The following NRXN3 variants were observed in gnomAD, a reference collection of about 807,000 sequenced individuals.
NRXN3 encodes neurexin 3, also known as neurexin III.
NRXN3 carries 32 observed loss-of-function variants against 137.6 expected under a neutral mutation model. The observed-to-expected ratio is 0.23, with a 90% CI of 0.18 to 0.31. The LOEUF is 0.31. Ranked by LOEUF, NRXN3 falls within the 10% of genes least tolerant of loss-of-function variation. The pLI is 1.00. For missense variants in NRXN3, 1,574 were observed against 2,062.5 expected, an observed-to-expected ratio of 0.76 and a Z score of 4.59; for synonymous variants, 798 against 784.5, an observed-to-expected ratio of 1.02 and a Z score of -0.29.
intron 15 of NRXN3, among the ~76,000 whole-genome samples, chr14:78,990,952 T>G (rs1488512854): frequency 6.6e-6 from 1 of 152,208 alleles, no homozygotes; most frequent in Admixed American, 6.5e-5. Flanking sequence ...TATAATTGGC[T>G]ATTTCATCTC....
chr14:78,825,514 G>A (rs576448943), intron 10 of NRXN3, among the ~76,000 whole-genome samples: 93 of 152,332 alleles, frequency 6.1e-4, no homozygotes, highest in African/African-American at 2.2e-3. Flanking sequence ...CAGAAGCATA[G>A]CTCCCAACCA....
chr14:79,771,010 A>G lies in NRXN3; in HGVS notation c.4015-34102A>G, dbSNP rs553311577. Among the ~76,000 whole-genome samples, 1,269 of 152,338 alleles carry G rather than the reference A, an allele frequency of 8.3e-3. 6 individuals carry two copies. The highest frequency in any genetic ancestry group is 0.011 in the Non-Finnish European group (768 of 68,034). ...TACTACAAACACCTCTACTCAAATA[A>G]ACTAGAAAATCTAGAAGAAATGGAT... On this transcript the variant is annotated intron_variant, in intron 19 of 20. Coordinates refer to ENST00000335750, the MANE Select transcript of NRXN3 (RefSeq NM_001330195.2).
At chr14:79,029,902 A>G (rs574154306) in intron 15 of NRXN3, among the ~76,000 whole-genome samples, 413 of 151,932 alleles carry the variant, frequency 2.7e-3, no homozygotes, top group Non-Finnish European at 4.5e-3. Flanking sequence ...GCCTGAGTGC[A>G]TTGGCATGAT....
chr14:79,151,342 A>G (rs1325255843), intron 15 of NRXN3, among the ~76,000 whole-genome samples: 1 of 152,046 alleles, frequency 6.6e-6, no homozygotes, highest in East Asian at 1.9e-4. Flanking sequence ...ATTCCCTGCA[A>G]AGAACATTCT....
At chr14:78,507,404 G>A (rs2153785573) in intron 4 of NRXN3, among the ~76,000 whole-genome samples, 1 of 152,306 alleles carries the variant, frequency 6.6e-6, no homozygotes, top group Non-Finnish European at 1.5e-5. Flanking sequence ...GTCCCACTCA[G>A]GGTTATTCCA....
intron 1 of NRXN3, among the ~76,000 whole-genome samples, chr14:78,225,955 GTGTGTGTGTGTGTGTGTTGGT>G (rs2064516449): frequency 1.5e-5 from 2 of 130,798 alleles, no homozygotes; most frequent in African/African-American, 3.2e-5. Flanking sequence ...TTTTTTTGGT[GTGTGTGTGTGTGTGTGTTGGT>G]GTGTGTGTGT....
chr14:79,548,220 G>A lies in NRXN3; in HGVS notation c.3444+80818G>A, dbSNP rs539392839. On this transcript the variant is annotated intron_variant, in intron 16 of 20. Transcript: ENST00000335750. ...ACCCACCTGACAGGTCTCAGTGTGT[G>A]ATGTTCCCCTCCTTGTGTCCACGTA... 2.6e-5 allele frequency among the ~76,000 whole-genome samples: 4 copies of A among 152,154 alleles called. No individual in the cohort carries two copies. In the East Asian group the frequency reaches 5.8e-4, roughly 22 times the overall value.
intron 15 of NRXN3, among the ~76,000 whole-genome samples, chr14:79,036,137 T>C (rs1020777769): frequency 2.6e-5 from 4 of 152,024 alleles, no homozygotes; most frequent in Non-Finnish European, 5.9e-5. Context: ...CATTAGGCCA[T>C]GTAAGAGAAA....
intron 8 of NRXN3, among the ~76,000 whole-genome samples, chr14:78,727,550 C>G (rs1243482817): frequency 1.3e-5 from 2 of 152,120 alleles, no homozygotes. Flanking sequence ...CAAGACCAGC[C>G]TGACCAACAT....
rs190945210 is a variant in NRXN3 at position 79,762,249 on chromosome 14, G to A, written c.4015-42863G>A. 2.7e-4 allele frequency among the ~76,000 whole-genome samples: 41 copies of A among 151,778 alleles called. 1 individual carries two copies. The highest frequency in any genetic ancestry group is 3.4e-3 in the Middle Eastern group (1 of 294). On this transcript the variant is annotated intron_variant, in intron 19 of 20. Coordinates refer to ENST00000335750, the MANE Select transcript of NRXN3 (RefSeq NM_001330195.2). ...AGCAGGTTATGGCAGTATATTCCTTGTAAGAAAATTAGTGCATTAACTCTT... is the reference window on the plus strand; with the variant it reads ...AGCAGGTTATGGCAGTATATTCCTTATAAGAAAATTAGTGCATTAACTCTT...
At chr14:78,813,525 C>T (rs1291770131) in intron 10 of NRXN3, among the ~76,000 whole-genome samples, 2 of 151,026 alleles carry the variant, frequency 1.3e-5, no homozygotes. Context: ...TTTTTTTTTT[C>T]CCCCTTGAAG....
intron 4 of NRXN3, among the ~76,000 whole-genome samples, chr14:78,366,691 A>G (rs2086000929): frequency 6.6e-6 from 1 of 152,154 alleles, no homozygotes; most frequent in Non-Finnish European, 1.5e-5. Flanking sequence ...TGTGCAGGGA[A>G]ACTCCCATTC....
At chr14:78,883,830 C>A (rs1442068344) in intron 10 of NRXN3, among the ~76,000 whole-genome samples, 1 of 152,156 alleles carries the variant, frequency 6.6e-6, no homozygotes, top group Non-Finnish European at 1.5e-5. Context: ...TTGAAGTCAC[C>A]TGTGATGAAT....
intron 8 of NRXN3, among the ~76,000 whole-genome samples, chr14:78,729,200 C>T (rs1188534540): frequency 6.6e-6 from 1 of 152,096 alleles, no homozygotes; most frequent in East Asian, 1.9e-4. Context: ...GATACTTAAA[C>T]CAAGGATCAG....
At chr14:78,689,174 T>TA (rs2098148318) in intron 6 of NRXN3, among the ~76,000 whole-genome samples, 1 of 152,136 alleles carries the variant, frequency 6.6e-6, no homozygotes, top group Non-Finnish European at 1.5e-5. Context: ...GAAATTTCTC[T>TA]AAAAACTACT....
intron 3 of NRXN3, among the ~76,000 whole-genome samples, chr14:78,289,371 A>T (rs1005204032): frequency 5.9e-5 from 9 of 152,112 alleles, no homozygotes; most frequent in African/African-American, 2.2e-4. Flanking sequence ...ATAGGTCAAA[A>T]CAAGTCACCT....
intron 10 of NRXN3, among the ~76,000 whole-genome samples, chr14:78,824,697 A>G (rs2098961242): frequency 6.6e-6 from 1 of 152,228 alleles, no homozygotes; most frequent in Admixed American, 6.5e-5. Flanking sequence ...ATACTACAAT[A>G]TCAGAAGGCT....
chr14:79,512,842 G>C (rs944291813), intron 16 of NRXN3, among the ~76,000 whole-genome samples: 1 of 152,160 alleles, frequency 6.6e-6, no homozygotes, highest in Non-Finnish European at 1.5e-5. Flanking sequence ...AATTGCATCT[G>C]TATAACCTAT....
intron 16 of NRXN3, among the ~76,000 whole-genome samples, chr14:79,594,233 G>T (rs1206269559): frequency 1.3e-5 from 2 of 152,148 alleles, no homozygotes; most frequent in Non-Finnish European, 2.9e-5. Flanking sequence ...GGACATAAAT[G>T]CATTGATATT....
Sources: gnomAD v4.1 joint callset for allele counts (sites outside exome capture counted in the v4.1 genomes callset) on GRCh38, gnomAD v4.1.1 for gene constraint, MANE v1.5 for transcripts, NCBI Gene and HGNC (gene_info 2026-07-23, HGNC 2026-07-21) for gene names.